PKNOX2: variants seen among roughly 807,000 people sequenced by gnomAD.
PKNOX2 encodes the protein PBX/knotted 1 homeobox 2, also known as homeobox protein PKNOX2.
A neutral mutation model predicts 53.1 loss-of-function variants in PKNOX2; 14 were observed. That is an observed-to-expected ratio of 0.26 (90% CI 0.17 to 0.41). The LOEUF (loss-of-function observed/expected upper bound fraction) is 0.41. PKNOX2 is among the 10% of genes least tolerant of loss of function. PKNOX2 has a pLI of 1.00. For missense variants in PKNOX2, 496 were observed against 602.8 expected, an observed-to-expected ratio of 0.82 and a Z score of 1.85; for synonymous variants, 257 against 242.8, an observed-to-expected ratio of 1.06 and a Z score of -0.54.
intron 3 of PKNOX2, among the ~76,000 whole-genome samples, chr11:125,343,053 G>C (rs1950781785): frequency 6.6e-6 from 1 of 152,132 alleles, no homozygotes; most frequent in East Asian, 1.9e-4. Context: ...GCCACAGGCT[G>C]GGGGAGGGAG....
chr11:125,231,364 C>T (rs1942194403), intron 1 of PKNOX2, among the ~76,000 whole-genome samples: 3 of 152,256 alleles, frequency 2.0e-5, no homozygotes, highest in African/African-American at 7.2e-5. Flanking sequence ...ATAAGCATGA[C>T]CATTCAACTC....
At chr11:125,421,077 A>T (rs947209042) in intron 10 of PKNOX2, among the ~76,000 whole-genome samples, 2 of 152,248 alleles carry the variant, frequency 1.3e-5, no homozygotes, top group Non-Finnish European at 2.9e-5. Context: ...TCCAAATAAC[A>T]TATCTCTTCA....
At chr11:125,183,198 CTTTTTTTTTTTTTTTTT>C (rs10676031) in intron 1 of PKNOX2, among the ~76,000 whole-genome samples, 2 of 85,850 alleles carry the variant, frequency 2.3e-5, no homozygotes, top group Admixed American at 1.1e-4. Context: ...GCGATGAATC[CTTTTTTTTTTTTTTTTT>C]TTTTTTTTTT....
chr11:125,385,642 G>A lies in PKNOX2; in HGVS notation c.319G>A (p.Val107Met), dbSNP rs758063396. ...GTGCATCACCTCCGCCAGCTTTGAT[G>A]TGGACATCGAGAACTTTGTCCACCA... The part of the protein sequence containing the change: ...SECITSASFD[V>M]DIENFVHQQE... The change falls in exon 6 of 13, where the codon GTG becomes ATG. Residue 107 changes from valine to methionine, a missense_variant. By Grantham distance (21) the Val-to-Met change is conservative. Transcript: ENST00000298282. 1.5e-5 allele frequency: 24 copies of A among 1,613,930 alleles called. No homozygotes were observed. In the East Asian group the frequency reaches 5.1e-4, roughly 34 times the overall value.
intron 6 of PKNOX2, 114 bp from the exon 7 acceptor site, chr11:125,397,760 T>G: frequency 2.0e-4 from 212 of 1,081,538 alleles, no homozygotes; most frequent in Non-Finnish European, 2.6e-4. Flanking sequence ...GTAGGAAGCA[T>G]GAGCTACGGC....
In PKNOX2 at chr11:125,367,900, C is replaced by G. The variant is rs762062356; in HGVS notation, c.142C>G (p.Pro48Ala). The change falls in exon 5 of 13, where the codon CCC becomes GCC. Residue 48 changes from proline to alanine, a missense_variant. Transcript: ENST00000298282. ...SKAQAVHISA[P>A]SAAASTPVPS... Reference sequence around the variant, plus strand: ...GGCCCAGGCTGTCCACATCTCTGCCCCCTCAGCTGCTGCCAGCACACCTGT... The same window carrying G: ...GGCCCAGGCTGTCCACATCTCTGCCGCCTCAGCTGCTGCCAGCACACCTGT... 4 of 1,613,758 alleles carry G rather than the reference C, an allele frequency of 2.5e-6. No homozygotes were observed. The South Asian group carries it at 3.3e-5, about 13-fold the overall frequency.
intron 3 of PKNOX2, among the ~76,000 whole-genome samples, chr11:125,348,336 G>A (rs1951107108): frequency 6.6e-6 from 1 of 152,144 alleles, no homozygotes; most frequent in Non-Finnish European, 1.5e-5. Flanking sequence ...CAAGTTGCCG[G>A]AGGCTTCTGT....
At chr11:125,295,863 C>A (rs1302000863) in intron 2 of PKNOX2, among the ~76,000 whole-genome samples, 6 of 152,182 alleles carry the variant, frequency 3.9e-5, no homozygotes. Context: ...TTCTGTACCG[C>A]CGGTAGCTCG....
chr11:125,422,847 T>C lies in PKNOX2; in HGVS notation c.937-6165T>C, dbSNP rs904730970. ...ACCCATTTGAAAAAATGAGCGTATT[T>C]GTATGCTCACAGAAGGGGCTGCTGG... On this transcript the variant is annotated intron_variant, in intron 10 of 12. Transcript: ENST00000298282. The surrounding 1 kb of genome is among the most constrained non-coding windows in gnomAD (Gnocchi z 4.1). 6.6e-6 allele frequency among the ~76,000 whole-genome samples: 1 copy of C among 152,138 alleles called. No individual in the cohort carries two copies. The highest frequency in any genetic ancestry group is 1.5e-5 in the Non-Finnish European group (1 of 68,020).
In PKNOX2 at chr11:125,213,203, A is replaced by G. The variant is rs148346315; in HGVS notation, c.-200-21842A>G. On this transcript the variant is annotated intron_variant, in intron 1 of 12. Coordinates refer to ENST00000298282, the MANE Select transcript of PKNOX2 (RefSeq NM_001382323.2). ...TGGCGTCCCTTTGTGTCTAAGCCCCAAGTTTCTTCACATCTGCCACCTCTT... is the reference window on the plus strand; with the variant it reads ...TGGCGTCCCTTTGTGTCTAAGCCCCGAGTTTCTTCACATCTGCCACCTCTT... Among the ~76,000 whole-genome samples, 352 of 152,130 alleles carry G rather than the reference A, an allele frequency of 2.3e-3. 7 individuals carry two copies. The highest frequency in any genetic ancestry group is 3.9e-3 in the Non-Finnish European group (262 of 67,950).
rs527361060 is a variant in PKNOX2 at position 125,240,513 on chromosome 11, G to A, written c.-130+5398G>A. ...TGGAAAGGGAGAGAGACCCTTTCCC[G>A]CTGCAAGCAGGGCAAGAGGCTTTGA... On this transcript the variant is annotated intron_variant, in intron 2 of 12. Transcript: ENST00000298282. The surrounding 1 kb of genome is among the most constrained non-coding windows in gnomAD (Gnocchi z 4.3). 1.2e-4 allele frequency among the ~76,000 whole-genome samples: 18 copies of A among 152,122 alleles called. No individual in the cohort carries two copies. The highest frequency in any genetic ancestry group is 2.0e-4 in the Admixed American group (3 of 15,274).
intron 1 of PKNOX2, among the ~76,000 whole-genome samples, chr11:125,176,473 G>A (rs566190050): frequency 1.6e-4 from 24 of 152,362 alleles, no homozygotes; most frequent in South Asian, 6.2e-4. Flanking sequence ...AACCACAAGA[G>A]CCACCCAGAA....
At chr11:125,224,243 C>T (rs1394117901) in intron 1 of PKNOX2, among the ~76,000 whole-genome samples, 1 of 152,272 alleles carries the variant, frequency 6.6e-6, no homozygotes, top group Non-Finnish European at 1.5e-5. Context: ...CCAGCCCATC[C>T]AGCCGGTGCC....
In PKNOX2 at chr11:125,351,366, C is replaced by A; in HGVS notation, c.61C>A (p.Pro21Thr). ...GATGATGGCCACGCAGAATGTCCCGCCCCCACCCTACCAGGACAGCCCACA... is the reference window on the plus strand; with the variant it reads ...GATGATGGCCACGCAGAATGTCCCGACCCCACCCTACCAGGACAGCCCACA... ...LTMMATQNVPPPPYQDSPQMT... is the reference protein window; with the variant it reads ...LTMMATQNVPTPPYQDSPQMT... Residue 21 changes from proline (P) to threonine (T), a missense_variant, in exon 4 of 13, where the codon CCC (proline) becomes ACC (threonine). Pro to Thr is a conservative substitution (Grantham distance 38). This residue lies in a region of PKNOX2 where 168 missense variants were observed against 178.4 expected (regional missense o/e 0.94). Transcript: ENST00000298282. 6.2e-7 allele frequency: 1 copy of A among 1,604,614 alleles called. No individual in the cohort carries two copies. The highest frequency in any genetic ancestry group is 8.5e-7 in the Non-Finnish European group (1 of 1,173,106).
Position 125,193,700 on chromosome 11 carries a change from G to A in PKNOX2, c.-201+28924G>A, listed in dbSNP as rs561087107. On this transcript the variant is annotated intron_variant, in intron 1 of 12. Transcript: ENST00000298282. ...AGAGAGGGGCATTGACCTAGGAACA[G>A]GAGTTGATGGGACTCATCATGTGAA... is the stretch of plus-strand genomic sequence containing the variant. Among the ~76,000 whole-genome samples the A allele has an allele frequency of 2.6e-5, 4 of 152,332 alleles. No individual in the cohort carries two copies. In the East Asian group the frequency reaches 7.7e-4, roughly 29 times the overall value.
Position 125,166,111 on chromosome 11 carries a change from A to G in PKNOX2, c.-201+1335A>G, listed in dbSNP as rs1954856413. 6.6e-6 allele frequency among the ~76,000 whole-genome samples: 1 copy of G among 152,020 alleles called. No homozygotes were observed. Among genetic ancestry groups the G allele is most frequent in the African/African-American group, 2.4e-5 (1 of 41,374 alleles). Reference sequence around the variant, plus strand: ...GATCCAGACTGTTTACGGAATCGGGATCGAGGGGCCGATAAGTAGTTTACA... The same window carrying G: ...GATCCAGACTGTTTACGGAATCGGGGTCGAGGGGCCGATAAGTAGTTTACA... On this transcript the variant is annotated intron_variant, in intron 1 of 12. Coordinates refer to ENST00000298282, the MANE Select transcript of PKNOX2 (RefSeq NM_001382323.2). This position sits in a 1 kb window ranked among gnomAD's most constrained non-coding sequence, Gnocchi z 4.0.
At chr11:125,303,815 G>A (rs75957303) in intron 2 of PKNOX2, among the ~76,000 whole-genome samples, 89 of 152,322 alleles carry the variant, frequency 5.8e-4, no homozygotes, top group African/African-American at 2.1e-3. Flanking sequence ...TGTCGTCTAA[G>A]GGGAGAGACA....
chr11:125,215,121 G>A (rs1453007439), intron 1 of PKNOX2, among the ~76,000 whole-genome samples: 1 of 152,110 alleles, frequency 6.6e-6, no homozygotes, highest in South Asian at 2.1e-4. Context: ...GGGAGGGGAA[G>A]GCCGTGTCTT....
intron 10 of PKNOX2, among the ~76,000 whole-genome samples, chr11:125,413,633 G>C (rs1176896309): frequency 6.6e-6 from 1 of 152,186 alleles, no homozygotes; most frequent in Non-Finnish European, 1.5e-5. Context: ...CTGAACCTGG[G>C]TTCAGAGGTC....
Sources: gnomAD v4.1 joint callset for allele counts (sites outside exome capture counted in the v4.1 genomes callset) on GRCh38, gnomAD v4.1.1 for gene constraint, gnomAD v4.1.1 regional missense constraint, Gnocchi (gnomAD v3.1) non-coding constraint, MANE v1.5 for transcripts, NCBI Gene and HGNC (gene_info 2026-07-23, HGNC 2026-07-21) for gene names.